PPIE: variants seen among roughly 807,000 people sequenced by gnomAD.
The protein encoded by PPIE is peptidyl-prolyl cis-trans isomerase E.
In PPIE, 20 loss-of-function variants were observed where a neutral mutation model predicts 38.4. The ratio of observed to expected loss-of-function variants is 0.52; its 90% CI spans 0.37 to 0.76. The LOEUF (loss-of-function observed/expected upper bound fraction) is 0.76. Ranked by LOEUF, PPIE falls within the 30% of genes least tolerant of loss-of-function variation. The pLI, the probability that PPIE is intolerant of heterozygous loss-of-function variation, is 0.00. For synonymous variants in PPIE, 142 were observed against 135.7 expected, an observed-to-expected ratio of 1.05 and a Z score of -0.32; for missense variants, 322 against 385.8, an observed-to-expected ratio of 0.83 and a Z score of 1.39.
At chr1:39,745,155 G>C (rs1416065348) in intron 6 of PPIE, among the ~76,000 whole-genome samples, 1 of 152,250 alleles carries the variant, frequency 6.6e-6, no homozygotes, top group African/African-American at 2.4e-5. Flanking sequence ...TGAGGCTCAG[G>C]TTAGCCAGTG....
chr1:39,762,025 T>C (rs1361127281), intron 9 of PPIE, among the ~76,000 whole-genome samples: 1 of 152,186 alleles, frequency 6.6e-6, no homozygotes, highest in East Asian at 1.9e-4. Flanking sequence ...CATGCAGCCA[T>C]GAGAACCACA....
chr1:39,739,183 T>A, intron 1 of PPIE: 1 of 406,552 alleles, frequency 2.5e-6, no homozygotes, highest in Non-Finnish European at 4.3e-6. Context: ...CCCGATTCGC[T>A]GGGTCTCCCG....
At chr1:39,750,133 C>T (rs1202836832) in intron 8 of PPIE, among the ~76,000 whole-genome samples, 2 of 151,034 alleles carry the variant, frequency 1.3e-5, no homozygotes, top group East Asian at 1.9e-4. Flanking sequence ...AACTCCGTCT[C>T]GGAAAAAAAA....
chr1:39,756,792 G>A, downstream of PPIE: 1 of 184,608 alleles, frequency 5.4e-6, no homozygotes, highest in Non-Finnish European at 1.0e-5. Flanking sequence ...TTGACTTGTG[G>A]GACTGTAGTG....
At chr1:39,749,658 A>G (rs1647503359) in intron 8 of PPIE, among the ~76,000 whole-genome samples, 1 of 152,010 alleles carries the variant, frequency 6.6e-6, no homozygotes, top group Non-Finnish European at 1.5e-5. Context: ...TCTTTCTTCC[A>G]ATTACAGGGG....
chr1:39,760,872 T>C (rs1648869106), downstream of PPIE, among the ~76,000 whole-genome samples: 1 of 151,990 alleles, frequency 6.6e-6, no homozygotes, highest in Non-Finnish European at 1.5e-5. Flanking sequence ...CTGGGGATAA[T>C]GGGAAGGAGA....
At chr1:39,738,966 G>A (rs745805188) in intron 1 of PPIE, 35 bp downstream of exon 1, 3 of 1,433,520 alleles carry the variant, frequency 2.1e-6, no homozygotes, top group African/African-American at 3.0e-5. Flanking sequence ...GAGTCTGAGT[G>A]AACGCGACCC....
downstream of PPIE, chr1:39,760,188 G>A (rs1648743114): frequency 1.4e-6 from 1 of 715,604 alleles, no homozygotes; most frequent in Non-Finnish European, 2.2e-6. Flanking sequence ...GTAGAACACT[G>A]CCTGATGATT....
At chr1:39,746,496 A>G (rs1229912651) in intron 7 of PPIE, 1 of 152,206 alleles carries the variant, frequency 6.6e-6, no homozygotes, top group Non-Finnish European at 1.5e-5. Context: ...AGCCCTCACT[A>G]TGCGTAGGAT....
Position 39,755,196 on chromosome 1 carries a change from C to T in PPIE, c.*1841C>T, listed in dbSNP as rs142229437. 1.4e-5 allele frequency: 14 copies of T among 985,446 alleles called. No homozygotes were observed. In the African/African-American group the frequency reaches 2.1e-4, roughly 15 times the overall value. The allele number at this position is 985,446 out of a possible 1,614,324, so 61.0% of individuals were successfully genotyped here. A position where few individuals can be genotyped will look rare whatever the true frequency, so the allele number is the denominator to read the frequency against. ...GGGACTGAGTCCTGTAGCTGTTGGA[C>T]ACCTCCTGTGGGTTGGGTCACTCAG... is the stretch of plus-strand genomic sequence containing the variant. On this transcript the variant is annotated 3_prime_UTR_variant, in exon 10 of 10. Coordinates refer to ENST00000324379, the MANE Select transcript of PPIE (RefSeq NM_006112.4).
At chr1:39,758,199 A>G (rs567085376), downstream of PPIE, 5 of 152,338 alleles carry the variant, frequency 3.3e-5, no homozygotes, top group East Asian at 7.7e-4. Flanking sequence ...AGAAGGAACA[A>G]TTAAGTAAAT....
chr1:39,762,128 C>T (rs1341639971), intron 9 of PPIE, among the ~76,000 whole-genome samples: 1 of 152,242 alleles, frequency 6.6e-6, no homozygotes, highest in Non-Finnish European at 1.5e-5. Flanking sequence ...CAGCAAACAC[C>T]ATTTGACTGC....
rs1307327997 is a variant in PPIE at position 39,753,474 on chromosome 1, T to C, written c.*119T>C. On this transcript the variant is annotated 3_prime_UTR_variant, in exon 10 of 10. Transcript: ENST00000324379. Reference sequence around the variant, plus strand: ...TTTGAAGCAAGCAGCATTTGGGATATGTGCCCTTCCTCAGGGTCTGCTTGG... The same window carrying C: ...TTTGAAGCAAGCAGCATTTGGGATACGTGCCCTTCCTCAGGGTCTGCTTGG... 3 of 1,502,952 alleles carry C rather than the reference T, an allele frequency of 2.0e-6. No homozygotes were observed. In the African/African-American group the frequency reaches 4.1e-5, roughly 21 times the overall value. 93.1% of individuals were successfully genotyped at this position (1,502,952 alleles called of 1,614,324 possible). A position where few individuals can be genotyped will look rare whatever the true frequency, so the allele number is the denominator to read the frequency against.
intron 1 of PPIE, 164 bp downstream of exon 1, chr1:39,739,095 C>G: frequency 1.5e-6 from 1 of 669,828 alleles, no homozygotes; most frequent in Non-Finnish European, 2.2e-6. Context: ...TAAACTCCTT[C>G]CAAGGTTTCC....
intron 5 of PPIE, among the ~76,000 whole-genome samples, chr1:39,743,557 A>G (rs944088972): frequency 3.9e-5 from 6 of 152,148 alleles, no homozygotes; most frequent in Admixed American, 1.3e-4. Context: ...TTTTCTTGAT[A>G]TTCCATTCCT....
At chr1:39,763,238 T>A in intron 9 of PPIE, 1 of 1,562,834 alleles carries the variant, frequency 6.4e-7, no homozygotes, top group Non-Finnish European at 8.7e-7. Context: ...CCCATCCATG[T>A]GCCCCTCCCT....
rs1648165462 is a variant in PPIE, at chr1:39,755,456, C to T, written c.*2101C>T. The T allele has an allele frequency of 1.0e-6, 1 of 985,464 alleles. No homozygotes were observed. The highest frequency in any genetic ancestry group is 1.2e-6 in the Non-Finnish European group (1 of 829,938). The allele number at this position is 985,464 out of a possible 1,614,324, so 61.0% of individuals were successfully genotyped here. ...TGGGATATACTACATGGTTACCCCTCACCCCTATGGAGCTTCCAAAAGAGA... is the reference window on the plus strand; with the variant it reads ...TGGGATATACTACATGGTTACCCCTTACCCCTATGGAGCTTCCAAAAGAGA... On this transcript the variant is annotated 3_prime_UTR_variant, in exon 10 of 10. Coordinates refer to ENST00000324379, the MANE Select transcript of PPIE (RefSeq NM_006112.4).
chr1:39,761,939 GAGGGGC>G (rs1472971230), intron 9 of PPIE, among the ~76,000 whole-genome samples: 2 of 152,252 alleles, frequency 1.3e-5, no homozygotes, highest in African/African-American at 4.8e-5. Context: ...TTGAGCCCCT[GAGGGGC>G]AGGGGCAAGG....
intron 9 of PPIE, chr1:39,762,694 A>G: frequency 1.4e-6 from 2 of 1,479,068 alleles, no homozygotes; most frequent in Non-Finnish European, 1.8e-6. Flanking sequence ...GTGCACACAT[A>G]TCACGGGCGG....
Sources: gnomAD v4.1 joint callset for allele counts (sites outside exome capture counted in the v4.1 genomes callset) on GRCh38, gnomAD v4.1.1 for gene constraint, MANE v1.5 for transcripts, NCBI Gene and HGNC (gene_info 2026-07-23, HGNC 2026-07-21) for gene names.